Variants in STOM observed in about 807,000 individuals in gnomAD.
STOM encodes erythrocyte band 7 integral membrane protein.
STOM carries 25 observed loss-of-function variants against 30.6 expected under a neutral mutation model. The ratio of observed to expected loss-of-function variants is 0.82; its 90% CI spans 0.60 to 1.14. STOM has a LOEUF of 1.14. Among genes scored for constraint, STOM ranks in the 50% most tolerant of loss-of-function variants. The pLI, the probability that STOM is intolerant of heterozygous loss-of-function variation, is 0.00. For missense variants in STOM, 292 were observed against 365.2 expected, an observed-to-expected ratio of 0.80 and a Z score of 1.63; for synonymous variants, 118 against 130.8, an observed-to-expected ratio of 0.90 and a Z score of 0.67.
At chr9:121,353,370 T>C in intron 3 of STOM, 68 bp from the exon 4 acceptor site, 1 of 1,095,988 alleles carries the variant, frequency 9.1e-7, no homozygotes, top group South Asian at 1.6e-5. Flanking sequence ...CATTCAGTTT[T>C]AAGAAAATCA....
At chr9:121,370,043 A>G in intron 1 of STOM, 84 bp downstream of exon 1, 1 of 1,319,200 alleles carries the variant, frequency 7.6e-7, no homozygotes. Flanking sequence ...GAGACTGGCC[A>G]GGAGCCCGGC....
intron 3 of STOM, 35 bp downstream of exon 3, chr9:121,354,566 T>C: frequency 6.6e-7 from 1 of 1,511,132 alleles, no homozygotes; most frequent in Non-Finnish European, 9.0e-7. Flanking sequence ...AGAACTTTAG[T>C]TTTCAGATAA....
chr9:121,348,338 A>G (rs2064307950), intron 5 of STOM, among the ~76,000 whole-genome samples, 189 bp from the exon 6 acceptor site: 1 of 152,226 alleles, frequency 6.6e-6, no homozygotes, highest in Admixed American at 6.5e-5. Context: ...TAACAAGCTA[A>G]TGCAGGGGTT....
At chr9:121,343,357 G>T (rs2064262591) in intron 6 of STOM, among the ~76,000 whole-genome samples, 1 of 152,176 alleles carries the variant, frequency 6.6e-6, no homozygotes, top group Non-Finnish European at 1.5e-5. Context: ...AAATTTGGGG[G>T]CCTTCTAGGG....
At chr9:121,355,996 T>G (rs2064385902) in intron 2 of STOM, 57 bp downstream of exon 2, 3 of 1,327,304 alleles carry the variant, frequency 2.3e-6, no homozygotes, top group Non-Finnish European at 3.2e-6. Context: ...ACACACGAAG[T>G]AGGTTTATGG....
chr9:121,353,962 G>C (rs577409347), intron 3 of STOM, among the ~76,000 whole-genome samples: 1 of 152,158 alleles, frequency 6.6e-6, no homozygotes, highest in East Asian at 1.9e-4. Context: ...CTCTCTGTGA[G>C]TACTTGATCA....
chr9:121,357,285 C>CT (rs758378109), intron 1 of STOM, among the ~76,000 whole-genome samples: 5 of 151,786 alleles, frequency 3.3e-5, no homozygotes, highest in South Asian at 2.1e-4. Context: ...TATGCAACAG[C>CT]TTTTCCGTCT....
intron 1 of STOM, among the ~76,000 whole-genome samples, chr9:121,361,300 T>G (rs1403163366): frequency 6.6e-6 from 1 of 152,022 alleles, no homozygotes; most frequent in East Asian, 1.9e-4. Flanking sequence ...TTCCCATGTA[T>G]TACTTTAGGA....
chr9:121,370,057 CA>C, intron 1 of STOM, 69 bp downstream of exon 1: 1 of 1,425,218 alleles, frequency 7.0e-7, no homozygotes, highest in Non-Finnish European at 9.5e-7. Context: ...GCCCGGCTGT[CA>C]GACCTCGGAG....
At position 121,356,097 on chromosome 9, in the gene STOM, A is replaced by G. The variant is rs1352104253; in HGVS notation, c.121T>C (p.Phe41Leu). ...GWILVAFSFL[F>L]TVITFPISIW... ...GAGATTGGGAAAGTTATAACGGTGAATAAGAATGAGAACGCCACCAAAATC... is the reference window on the plus strand; with the variant it reads ...GAGATTGGGAAAGTTATAACGGTGAGTAAGAATGAGAACGCCACCAAAATC... Residue 41 changes from phenylalanine to leucine, a missense_variant, in exon 2 of 7, where the codon TTC becomes CTC. Phe to Leu is a conservative substitution (Grantham distance 22). Transcript: ENST00000286713. 2.5e-6 allele frequency: 4 copies of G among 1,614,162 alleles called. No individual in the cohort carries two copies. Among genetic ancestry groups the G allele is most frequent in the Non-Finnish European group, 2.5e-6 (3 of 1,180,018 alleles).
intron 5 of STOM, 112 bp from the exon 6 acceptor site, chr9:121,348,261 A>G: frequency 6.8e-7 from 1 of 1,467,764 alleles, no homozygotes; most frequent in Non-Finnish European, 9.3e-7. Flanking sequence ...AGTTGTGGAG[A>G]GACAGTTACC....
chr9:121,362,218 A>G (rs1015654000), intron 1 of STOM, among the ~76,000 whole-genome samples: 2 of 152,214 alleles, frequency 1.3e-5, no homozygotes, highest in African/African-American at 4.8e-5. Context: ...AGCAAAAGTT[A>G]CTATAAAAAT....
rs2064226859 is a variant in STOM, at chr9:121,339,398, G to T, written c.*1804C>A. 1.9e-6 allele frequency: 1 copy of T among 526,906 alleles called. No individual in the cohort carries two copies. The highest frequency in any genetic ancestry group is 2.8e-6 in the Non-Finnish European group (1 of 356,284). 32.6% of individuals were successfully genotyped at this position (526,906 alleles called of 1,614,324 possible). A position where few individuals can be genotyped will look rare whatever the true frequency, so the allele number is the denominator to read the frequency against. ...AAACCATCATTTTAAAATTCAAAATGTAAGTGCAACTTGAGTTTAAGTTGC... is the reference window on the plus strand; with the variant it reads ...AAACCATCATTTTAAAATTCAAAATTTAAGTGCAACTTGAGTTTAAGTTGC... On this transcript the variant is annotated 3_prime_UTR_variant, in exon 7 of 7. Transcript: ENST00000286713.
intron 4 of STOM, among the ~76,000 whole-genome samples, chr9:121,350,932 CTAAT>C (rs2064333444): frequency 6.6e-6 from 1 of 152,158 alleles, no homozygotes; most frequent in African/African-American, 2.4e-5. Context: ...TGTATGAAAA[CTAAT>C]TATTTCCCAT....
At chr9:121,366,067 C>A (rs1227600745) in intron 1 of STOM, 1 of 968,398 alleles carries the variant, frequency 1.0e-6, no homozygotes, top group East Asian at 1.1e-4. Flanking sequence ...CAACCTAAAT[C>A]TTTTAATTAT....
chr9:121,367,792 G>A (rs544099176), intron 1 of STOM, among the ~76,000 whole-genome samples: 1 of 152,292 alleles, frequency 6.6e-6, no homozygotes, highest in Non-Finnish European at 1.5e-5. Context: ...TGTTCCTCCA[G>A]GCTTTTTTTG....
In STOM at chr9:121,340,668, T is replaced by C; in HGVS notation, c.*534A>G. The C allele has an allele frequency of 1.2e-6, 1 of 835,960 alleles. No individual in the cohort carries two copies. The highest frequency in any genetic ancestry group is 1.4e-6 in the Non-Finnish European group (1 of 693,594). 51.8% of individuals were successfully genotyped at this position (835,960 alleles called of 1,614,324 possible). ...GGGAGGCTGAGGCAGGAGAATCTCT[T>C]GAACCCAGGAGGCGGAGGTTGCAGT... On this transcript the variant is annotated 3_prime_UTR_variant, in exon 7 of 7. Transcript: ENST00000286713.
At chr9:121,354,725 A>G (rs755437678) in intron 2 of STOM, 52 bp from the exon 3 acceptor site, 1 of 1,339,492 alleles carries the variant, frequency 7.5e-7, no homozygotes, top group Admixed American at 2.0e-5. Flanking sequence ...AAATATATAC[A>G]TGCATGGCTT....
chr9:121,357,688 A>G (rs954999431), intron 1 of STOM, among the ~76,000 whole-genome samples: 2 of 151,736 alleles, frequency 1.3e-5, no homozygotes, highest in Admixed American at 6.6e-5. Flanking sequence ...TCTGCCCACC[A>G]TGGCCTTCCA....
Sources: allele counts gnomAD v4.1 joint callset (sites outside exome capture counted in the v4.1 genomes callset), GRCh38; gene constraint gnomAD v4.1.1; transcripts MANE v1.5; gene names NCBI Gene and HGNC (gene_info 2026-07-23, HGNC 2026-07-21).